SHANK2: variants seen among roughly 807,000 people sequenced by gnomAD.
SHANK2 encodes the protein SH3 and multiple ankyrin repeat domains 2.
A neutral mutation model predicts 133.7 loss-of-function variants in SHANK2; 43 were observed. The observed-to-expected ratio is 0.32, with a 90% CI of 0.25 to 0.41. The LOEUF (loss-of-function observed/expected upper bound fraction) is 0.41, where lower values mean the gene tolerates loss of function less well. SHANK2 is among the 10% of genes least tolerant of loss of function. The pLI is 1.00. For missense variants in SHANK2, 1,994 were observed against 2,235.8 expected, an observed-to-expected ratio of 0.89 and a Z score of 2.18; for synonymous variants, 1,017 against 952.8, an observed-to-expected ratio of 1.07 and a Z score of -1.24.
intron 10 of SHANK2, among the ~76,000 whole-genome samples, chr11:70,944,331 G>A (rs369624656): frequency 2.0e-5 from 3 of 152,170 alleles, no homozygotes; most frequent in Non-Finnish European, 2.9e-5. Context: ...TCCCAGGCCC[G>A]GCCCGGCCTC....
chr11:70,717,053 G>A (rs1304427422), intron 14 of SHANK2, among the ~76,000 whole-genome samples: 3 of 152,180 alleles, frequency 2.0e-5, no homozygotes, highest in African/African-American at 4.8e-5. Context: ...CCTCTCCACC[G>A]TTACCACGCG....
chr11:71,071,341 T>C (rs1192564782), intron 9 of SHANK2, among the ~76,000 whole-genome samples: 1 of 152,154 alleles, frequency 6.6e-6, no homozygotes, highest in Non-Finnish European at 1.5e-5. Flanking sequence ...TGTGCTTTCT[T>C]TGAGTGGGGG....
chr11:70,871,147 C>T (rs1201505968), intron 11 of SHANK2, among the ~76,000 whole-genome samples: 1 of 152,216 alleles, frequency 6.6e-6, no homozygotes, highest in Non-Finnish European at 1.5e-5. Context: ...TCATTTTCAG[C>T]TGATGACTTC....
intron 14 of SHANK2, among the ~76,000 whole-genome samples, chr11:70,714,369 G>A (rs1274260410): frequency 2.0e-5 from 3 of 152,202 alleles, no homozygotes; most frequent in African/African-American, 7.2e-5. Flanking sequence ...TTTAGGCAAC[G>A]GTTTCTGTTT....
At chr11:71,220,364 CG>C (rs1403060322) in intron 2 of SHANK2, among the ~76,000 whole-genome samples, 1 of 152,152 alleles carries the variant, frequency 6.6e-6, no homozygotes. Context: ...GAAAACAGTA[CG>C]GCAGTTTCTC....
intron 18 of SHANK2, 66 bp downstream of exon 18, chr11:70,502,730 T>TGGGGGGGGGGGGGGGGGGGGGGGGC: frequency 2.6e-6 from 2 of 772,456 alleles, no homozygotes. Context: ...CCAGCTGTCC[T>TGGGGGGGGGGGGGGGGGGGGGGGGC]GCCCGCCCCC....
chr11:70,616,489 G>T (rs984346035), intron 17 of SHANK2, among the ~76,000 whole-genome samples: 2 of 152,150 alleles, frequency 1.3e-5, no homozygotes, highest in Non-Finnish European at 2.9e-5. Flanking sequence ...GGTGGTACTG[G>T]GGAGGCAGAG....
chr11:70,759,415 G>A (rs193244549), intron 14 of SHANK2, among the ~76,000 whole-genome samples: 97 of 151,388 alleles, frequency 6.4e-4, no homozygotes, highest in Non-Finnish European at 9.7e-4. Context: ...CCGGGAGGCG[G>A]AGGTTGCAGT....
intron 4 of SHANK2, among the ~76,000 whole-genome samples, chr11:71,116,635 C>CA (rs1951984978): frequency 6.6e-6 from 1 of 152,244 alleles, no homozygotes; most frequent in Non-Finnish European, 1.5e-5. Context: ...CTCAAGGACT[C>CA]AGAGATGAAT....
intron 17 of SHANK2, among the ~76,000 whole-genome samples, chr11:70,584,257 C>T (rs1002655143): frequency 2.6e-5 from 4 of 152,152 alleles, no homozygotes; most frequent in Admixed American, 1.3e-4. Flanking sequence ...TCCTGGCGCT[C>T]GAATCACATG....
chr11:70,785,118 G>T (rs1947620876), intron 14 of SHANK2, among the ~76,000 whole-genome samples: 1 of 152,158 alleles, frequency 6.6e-6, no homozygotes, highest in Non-Finnish European at 1.5e-5. Context: ...GCACAGACCT[G>T]ATTTCTGGGT....
chr11:71,159,360 T>G (rs1952964962), intron 2 of SHANK2, among the ~76,000 whole-genome samples: 1 of 152,128 alleles, frequency 6.6e-6, no homozygotes, highest in African/African-American at 2.4e-5. Context: ...CAAATCTCCC[T>G]CTTAAAAATA....
chr11:70,887,035 C>T (rs7935635), intron 11 of SHANK2, among the ~76,000 whole-genome samples: 12,950 of 152,124 alleles, frequency 0.085, 1,259 homozygotes, highest in African/African-American at 0.24. Flanking sequence ...CCCACAAAGC[C>T]GGGCAAAAGC....
chr11:71,112,116 G>C (rs1391349934), intron 5 of SHANK2, among the ~76,000 whole-genome samples: 2 of 152,188 alleles, frequency 1.3e-5, no homozygotes, highest in African/African-American at 4.8e-5. Flanking sequence ...GAATCCTGCC[G>C]GGCACAGTGG....
intron 2 of SHANK2, among the ~76,000 whole-genome samples, chr11:71,148,853 T>C (rs782654724): frequency 6.6e-5 from 10 of 152,208 alleles, no homozygotes; most frequent in Non-Finnish European, 1.5e-4. Context: ...GCTGGAAAGA[T>C]GCCACACAGT....
intron 17 of SHANK2, chr11:70,634,617 T>C (rs1241637313): frequency 6.6e-6 from 1 of 152,210 alleles, no homozygotes; most frequent in Non-Finnish European, 1.5e-5. Flanking sequence ...TCCCAGCACT[T>C]TGGGAGGCCG....
At chr11:71,141,870 C>T (rs1240062637) in intron 3 of SHANK2, among the ~76,000 whole-genome samples, 2 of 151,974 alleles carry the variant, frequency 1.3e-5, no homozygotes, top group African/African-American at 4.8e-5. Flanking sequence ...CCAACCTAGA[C>T]GAGACAGGCA....
intron 14 of SHANK2, among the ~76,000 whole-genome samples, chr11:70,794,908 ATT>A (rs562031277): frequency 3.0e-4 from 46 of 152,248 alleles, no homozygotes; most frequent in African/African-American, 1.0e-3. Flanking sequence ...GGGTATATAC[ATT>A]TGTCAAAATG....
At chr11:70,824,353 G>A (rs550512306) in intron 11 of SHANK2, among the ~76,000 whole-genome samples, 5 of 152,174 alleles carry the variant, frequency 3.3e-5, no homozygotes, top group South Asian at 2.1e-4. Context: ...GGGAGGTCGC[G>A]GTGTCACACC....
Sources: gnomAD v4.1 joint callset for allele counts (sites outside exome capture counted in the v4.1 genomes callset) on GRCh38, gnomAD v4.1.1 for gene constraint, MANE v1.5 for transcripts, NCBI Gene and HGNC (gene_info 2026-07-23, HGNC 2026-07-21) for gene names.